Variants in CLSPN observed in about 807,000 individuals in gnomAD.
CLSPN encodes claspin homolog.
In CLSPN, 85 loss-of-function variants were observed where a neutral mutation model predicts 156.3. The ratio of observed to expected loss-of-function variants is 0.54; its 90% confidence interval spans 0.46 to 0.65. The LOEUF (loss-of-function observed/expected upper bound fraction) is 0.65. Among genes scored for constraint, CLSPN ranks in the 30% least tolerant of loss-of-function variants. The probability of loss-of-function intolerance (pLI) is 0.00; values close to 1 mark genes in which losing one functional copy is unlikely to be tolerated. For missense variants in CLSPN, 1,407 were observed against 1,554.9 expected (o/e 0.90, Z 1.60); for synonymous variants, 534 against 542.4 (o/e 0.98, Z 0.22).
intron 1 of CLSPN, among the ~76,000 whole-genome samples, chr1:35,769,630 G>C (rs554881295): frequency 2.2e-4 from 33 of 152,314 alleles, no homozygotes; most frequent in Non-Finnish European, 4.4e-4. Flanking sequence ...CTCCGGCCAC[G>C]GAGCCCGAAG....
At chr1:35,762,926 GT>G (rs994637480) in intron 4 of CLSPN, among the ~76,000 whole-genome samples, 16 of 147,630 alleles carry the variant, frequency 1.1e-4, no homozygotes, top group African/African-American at 2.7e-4. Context: ...TATCTTAGTG[GT>G]TTTTTTTTTC....
intron 1 of CLSPN, 77 bp from the exon 2 acceptor site, chr1:35,765,403 C>T (rs1357125278): frequency 5.3e-6 from 5 of 939,582 alleles, no homozygotes; most frequent in Non-Finnish European, 8.5e-6. Flanking sequence ...CACAAATCAT[C>T]GTGGGATCAT....
exon 25 of CLSPN, chr1:35,720,837 G>C: frequency 7.8e-7 from 1 of 1,282,022 alleles, no homozygotes. Flanking sequence ...TCAATTGTTT[G>C]TTCTGCCCAG....
At chr1:35,742,066 G>A (rs1023229426) in intron 18 of CLSPN, among the ~76,000 whole-genome samples, 4 of 147,390 alleles carry the variant, frequency 2.7e-5, no homozygotes, top group Non-Finnish European at 6.0e-5. Context: ...AGGATCACTT[G>A]AGGCCAACAG....
At position 35,751,278 on chromosome 1, in the gene CLSPN, T is replaced by C; in HGVS notation, c.2000A>G (p.Glu667Gly). ...CTGATTTCCTTCTTCTTCCTCCTCC[T>C]CTTCTTTCTCCTCCTCTTCCTCTAG... ...EELEEEEEKE[E>G]EEEEEGNQET... Residue 667 changes from glutamate to glycine, a missense_variant, in exon 10 of 25, where the codon GAG becomes GGG. Coordinates refer to ENST00000318121, the MANE Select transcript of CLSPN (RefSeq NM_022111.4). 6.3e-7 allele frequency: 1 copy of C among 1,595,636 alleles called. No individual in the cohort carries two copies. The highest frequency in any genetic ancestry group is 8.5e-7 in the Non-Finnish European group (1 of 1,174,934).
chr1:35,753,636 T>C lies in CLSPN; in HGVS notation c.1771+109A>G, dbSNP rs1642173390. 6.5e-6 allele frequency: 7 copies of C among 1,071,546 alleles called. No homozygotes were observed. In the South Asian group the frequency reaches 1.0e-4, roughly 16 times the overall value. The allele number at this position is 1,071,546 out of a possible 1,614,324, so 66.4% of individuals were successfully genotyped here. ...GCCAGAGATACTGCTCTGCAAAGCC[T>C]CCAAGGAAAAAGATTCTATAACTTT... On this transcript the variant is annotated intron_variant, in intron 9 of 24. Coordinates refer to ENST00000318121, the MANE Select transcript of CLSPN (RefSeq NM_022111.4).
rs148871738 is a variant in CLSPN at position 35,748,450 on chromosome 1, A to G, written c.2427T>C (p.Pro809=). ...AACTGGCTCGAAATAGCCCAGGGGA[A>G]GGAGATCTGAATCCTCCTGCTGTAG... ...FFPTAGGFRS[P]SPGLFRASLV... is the part of the protein sequence containing the mutation. Residue 809 remains proline, a synonymous_variant, in exon 13 of 25, where the codon CCT becomes CCC. Coordinates refer to ENST00000318121, the MANE Select transcript of CLSPN (RefSeq NM_022111.4). 1.9e-6 allele frequency: 3 copies of G among 1,613,884 alleles called. No individual in the cohort carries two copies. The African/African-American group carries it at 4.0e-5, about 22-fold the overall frequency.
intron 24 of CLSPN, 69 bp from the exon 25 acceptor site, chr1:35,736,675 T>C: frequency 6.6e-7 from 1 of 1,524,998 alleles, no homozygotes; most frequent in Non-Finnish European, 8.8e-7. Flanking sequence ...CAATTAGCTC[T>C]CAAGCAACTC....
chr1:35,748,259 T>C, intron 13 of CLSPN, 146 bp downstream of exon 13: 2 of 966,766 alleles, frequency 2.1e-6, no homozygotes, highest in Non-Finnish European at 3.1e-6. Context: ...AGCTTGTTTT[T>C]AATACACAAA....
chr1:35,750,354 A>AATAT (rs1642038993), intron 10 of CLSPN, among the ~76,000 whole-genome samples: 1 of 151,928 alleles, frequency 6.6e-6, no homozygotes, highest in South Asian at 2.1e-4. Context: ...TAAATAAATA[A>AATAT]AATAAAATAA....
At chr1:35,724,020 T>C (rs1272713097) in intron 24 of CLSPN, among the ~76,000 whole-genome samples, 1 of 152,064 alleles carries the variant, frequency 6.6e-6, no homozygotes, top group African/African-American at 2.4e-5. Context: ...AAGAGTGGGC[T>C]ATAACAATGT....
chr1:35,761,910 T>G, intron 6 of CLSPN, 88 bp downstream of exon 6: 1 of 809,500 alleles, frequency 1.2e-6, no homozygotes, highest in Non-Finnish European at 2.1e-6. Flanking sequence ...ACATTAGAAG[T>G]GTTAAAAAAA....
rs780634364 is a variant in CLSPN at position 35,760,412 on chromosome 1, A to G, written c.1509T>C (p.Asp503=). 27 of 1,614,126 alleles carry G rather than the reference A, an allele frequency of 1.7e-5. 3 individuals carry two copies. In the South Asian group the frequency reaches 2.7e-4, roughly 16 times the overall value. ...TLDRLKQLGV[D]VSIKPRLGAD... ...CACCTAGCCGTGGTTTAATGGAAAC[A>G]TCTACTCCCAGTTGCTTAAGTCTAT... Residue 503 remains aspartate, a synonymous_variant, in exon 8 of 25, where the codon GAT becomes GAC. Coordinates refer to ENST00000318121, the MANE Select transcript of CLSPN (RefSeq NM_022111.4).
downstream of CLSPN, among the ~76,000 whole-genome samples, chr1:35,727,852 GCCA>G (rs1460782333): frequency 6.6e-6 from 1 of 152,132 alleles, no homozygotes; most frequent in Non-Finnish European, 1.5e-5. Context: ...TGAAAAAAAT[GCCA>G]CTCACAATGG....
Position 35,734,217 on chromosome 1 carries a change from C to T in CLSPN, c.*2279G>A, listed in dbSNP as rs1402794260. On this transcript the variant is annotated 3_prime_UTR_variant, in exon 25 of 25. Coordinates refer to ENST00000318121, the MANE Select transcript of CLSPN (RefSeq NM_022111.4). ...CTCCTCAAGGTTAGACAGGCACTGA[C>T]CCAAGAATGAGCATTCAAGCTGGAC... 5.1e-6 allele frequency: 5 copies of T among 985,240 alleles called. No individual in the cohort carries two copies. Among genetic ancestry groups the T allele is most frequent in the South Asian group, 4.7e-5 (1 of 21,290 alleles). The allele number at this position is 985,240 out of a possible 1,614,324, so 61.0% of individuals were successfully genotyped here.
intron 14 of CLSPN, among the ~76,000 whole-genome samples, chr1:35,747,270 C>A (rs1271179495): frequency 6.6e-6 from 1 of 151,412 alleles, no homozygotes; most frequent in Non-Finnish European, 1.5e-5. Context: ...TGCAGTGAGC[C>A]GAGATCGCGC....
rs1298023005 is a variant in CLSPN, at chr1:35,733,403, C to T, written c.*3093G>A. 6 of 891,488 alleles carry T rather than the reference C, an allele frequency of 6.7e-6. No homozygotes were observed. In the East Asian group the frequency reaches 6.0e-4, roughly 89 times the overall value. The allele number at this position is 891,488 out of a possible 1,614,324, so 55.2% of individuals were successfully genotyped here. On this transcript the variant is annotated 3_prime_UTR_variant, in exon 25 of 25. Coordinates refer to ENST00000318121, the MANE Select transcript of CLSPN (RefSeq NM_022111.4). Reference sequence around the variant, plus strand: ...CTCCTGAGTTCAAGCAATGCACCCACCTCAGTCTCCTAAAGTGCTGGCGTG... The same window carrying T: ...CTCCTGAGTTCAAGCAATGCACCCATCTCAGTCTCCTAAAGTGCTGGCGTG...
rs761823903 is a variant in CLSPN, at chr1:35,734,688, AAAG to A, written c.*1805_*1807del. On this transcript the variant is annotated 3_prime_UTR_variant, in exon 25 of 25. Transcript: ENST00000318121. ...GCCAGCCTATGTCTCAAAAAAAAAA[AAAG>A]AAAAGAAAAGAAAAGAAAAAGAAAA... 6.6e-4 allele frequency: 572 copies of A among 863,978 alleles called. No individual in the cohort carries two copies. Among genetic ancestry groups the A allele is most frequent in the Middle Eastern group, 1.8e-3 (3 of 1,628 alleles). 53.5% of individuals were successfully genotyped at this position (863,978 alleles called of 1,614,324 possible).
chr1:35,763,403 G>A (rs1642554760), intron 3 of CLSPN, 82 bp from the exon 4 acceptor site: 1 of 1,078,472 alleles, frequency 9.3e-7, no homozygotes, highest in Admixed American at 2.8e-5. Context: ...ATTTGGATCA[G>A]GCCAGAAAAA....
Sources: allele counts gnomAD v4.1 joint callset (sites outside exome capture counted in the v4.1 genomes callset), GRCh38; gene constraint gnomAD v4.1.1; transcripts MANE v1.5; gene names NCBI Gene and HGNC (gene_info 2026-07-23, HGNC 2026-07-21).